Variants in RALYL observed in about 807,000 individuals in gnomAD.
The protein encoded by RALYL is RNA-binding Raly-like protein.
A neutral mutation model predicts 35.1 loss-of-function variants in RALYL; 29 were observed. That is an observed-to-expected ratio of 0.83 (90% confidence interval 0.61 to 1.13). The LOEUF is 1.13. RALYL is among the 50% of genes most tolerant of loss of function. RALYL has a pLI of 0.00. For synonymous variants in RALYL, 120 were observed against 127.6 expected (o/e 0.94, Z 0.40); for missense variants, 359 against 360.4 (o/e 1.00, Z 0.03).
At position 84,656,692 on chromosome 8, in the gene RALYL, G is replaced by A. The variant is rs776795121; in HGVS notation, c.257-117887G>A. ...CATACCAAGTTACCCAAAATTGAGT[G>A]TAGATTTCTTGATAATTAGAGTAAT... On this transcript the variant is annotated intron_variant, in intron 2 of 8. Transcript: ENST00000521268. 1.0e-3 allele frequency among the ~76,000 whole-genome samples: 157 copies of A among 152,050 alleles called. 3 individuals are homozygous for A. Among genetic ancestry groups the A allele is most frequent in the Non-Finnish European group, 2.5e-4 (17 of 68,006 alleles).
At chr8:84,769,082 C>T (rs1814796162) in intron 2 of RALYL, among the ~76,000 whole-genome samples, 1 of 152,160 alleles carries the variant, frequency 6.6e-6, no homozygotes, top group Non-Finnish European at 1.5e-5. Flanking sequence ...GTCATTAAGT[C>T]TAAGCTAGAA....
chr8:84,563,426 T>G (rs1404211062), intron 2 of RALYL, among the ~76,000 whole-genome samples: 1 of 151,836 alleles, frequency 6.6e-6, no homozygotes, highest in Non-Finnish European at 1.5e-5. Context: ...ACTATTACAT[T>G]GGCACTCACA....
At chr8:84,251,997 T>G (rs1830288582) in intron 1 of RALYL, among the ~76,000 whole-genome samples, 1 of 152,078 alleles carries the variant, frequency 6.6e-6, no homozygotes, top group African/African-American at 2.4e-5. Context: ...AATGAGGATA[T>G]TATATCAACT....
intron 2 of RALYL, among the ~76,000 whole-genome samples, chr8:84,612,180 T>C (rs573944125): frequency 2.6e-5 from 4 of 152,030 alleles, no homozygotes; most frequent in Non-Finnish European, 5.9e-5. Context: ...AGTAGTGAGA[T>C]TTATTTATTA....
intron 1 of RALYL, among the ~76,000 whole-genome samples, chr8:84,315,390 T>C (rs1004483113): frequency 1.3e-5 from 2 of 152,188 alleles, no homozygotes; most frequent in African/African-American, 2.4e-5. Flanking sequence ...TTAAAACTAT[T>C]TGTATATAAA....
intron 1 of RALYL, among the ~76,000 whole-genome samples, chr8:84,370,851 T>A (rs1455988398): frequency 6.6e-6 from 1 of 152,022 alleles, no homozygotes; most frequent in Admixed American, 6.6e-5. Flanking sequence ...TATATATAGC[T>A]GCCTTAGATT....
intron 2 of RALYL, among the ~76,000 whole-genome samples, chr8:84,614,205 G>A (rs1237010526): frequency 6.6e-6 from 1 of 151,458 alleles, no homozygotes; most frequent in Non-Finnish European, 1.5e-5. Context: ...CTTAGCTGTT[G>A]CTGTTGTTAT....
intron 8 of RALYL, among the ~76,000 whole-genome samples, chr8:84,889,220 G>GC (rs1401306656): frequency 6.6e-6 from 1 of 152,120 alleles, no homozygotes; most frequent in African/African-American, 2.4e-5. Flanking sequence ...TTCTCCTTAG[G>GC]CAGGACTACA....
chr8:84,348,567 A>G (rs1052418951), intron 1 of RALYL, among the ~76,000 whole-genome samples: 3 of 152,100 alleles, frequency 2.0e-5, no homozygotes, highest in Non-Finnish European at 4.4e-5. Flanking sequence ...TGATCAAATC[A>G]TTGCACAATG....
chr8:84,576,472 C>T (rs1268958952), intron 2 of RALYL, among the ~76,000 whole-genome samples: 2 of 152,140 alleles, frequency 1.3e-5, no homozygotes, highest in African/African-American at 2.4e-5. Context: ...ATGGCAGATG[C>T]ATTTGTTTTA....
Position 84,353,861 on chromosome 8 carries a change from T to G in RALYL, c.-24+169437T>G, listed in dbSNP as rs534892194. Among the ~76,000 whole-genome samples the G allele has an allele frequency of 2.1e-4, 32 of 150,134 alleles. 4 individuals are homozygous for G. Among genetic ancestry groups the G allele is most frequent in the African/African-American group, 6.2e-4 (25 of 40,380 alleles). Reference sequence around the variant, plus strand: ...TTATTTGATAGTGTCATAAATGTCTTTGTTCCTCTTTGAAAGCCATTATAT... The same window carrying G: ...TTATTTGATAGTGTCATAAATGTCTGTGTTCCTCTTTGAAAGCCATTATAT... On this transcript the variant is annotated intron_variant, in intron 1 of 8. Transcript: ENST00000521268.
At chr8:84,373,318 C>A (rs1856282672) in intron 1 of RALYL, among the ~76,000 whole-genome samples, 2 of 151,814 alleles carry the variant, frequency 1.3e-5, no homozygotes, top group Non-Finnish European at 2.9e-5. Context: ...AATGGTGTTA[C>A]CTAGGTCATC....
At chr8:84,837,081 C>G (rs1441510276) in intron 4 of RALYL, among the ~76,000 whole-genome samples, 1 of 152,136 alleles carries the variant, frequency 6.6e-6, no homozygotes, top group African/African-American at 2.4e-5. Flanking sequence ...CGTGTTTGAT[C>G]CCTGTGTCTC....
intron 1 of RALYL, among the ~76,000 whole-genome samples, chr8:84,524,718 A>G (rs1360082836): frequency 6.6e-6 from 1 of 152,176 alleles, no homozygotes; most frequent in Non-Finnish European, 1.5e-5. Context: ...AGAAATTAAA[A>G]GGCTTTATTT....
At chr8:84,864,402 T>C (rs1838740852) in intron 6 of RALYL, among the ~76,000 whole-genome samples, 1 of 152,198 alleles carries the variant, frequency 6.6e-6, no homozygotes, top group Admixed American at 6.5e-5. Context: ...GGTAGAAATA[T>C]AAATTATGGG....
At chr8:84,590,717 T>C (rs976480347) in intron 2 of RALYL, among the ~76,000 whole-genome samples, 4 of 152,198 alleles carry the variant, frequency 2.6e-5, no homozygotes, top group Non-Finnish European at 5.9e-5. Flanking sequence ...TGAGTTTTCT[T>C]CCTGGTGTCC....
At chr8:84,708,623 A>G (rs755151934) in intron 2 of RALYL, among the ~76,000 whole-genome samples, 1 of 152,128 alleles carries the variant, frequency 6.6e-6, no homozygotes, top group Non-Finnish European at 1.5e-5. Context: ...TTTGGGAATT[A>G]ATGTTTAACT....
In RALYL at chr8:84,534,878, C is replaced by T. The variant is rs187824539; in HGVS notation, c.256+5301C>T. Among the ~76,000 whole-genome samples, 15 of 152,238 alleles carry T rather than the reference C, an allele frequency of 9.9e-5. No individual in the cohort carries two copies. In the East Asian group the frequency reaches 2.1e-3, roughly 22 times the overall value. On this transcript the variant is annotated intron_variant, in intron 2 of 8. Coordinates refer to ENST00000521268, the MANE Select transcript of RALYL (RefSeq NM_173848.7). ...ACAGACATTCCAAAGGTAACTGTTT[C>T]GTAGGCCTGATTTCAGTTTTTTATA...
intron 1 of RALYL, among the ~76,000 whole-genome samples, chr8:84,343,239 A>G (rs533553270): frequency 6.6e-6 from 1 of 152,116 alleles, no homozygotes; most frequent in Admixed American, 6.5e-5. Context: ...GTGGTATGAA[A>G]TATTAGTTAT....
Sources: allele counts gnomAD v4.1 joint callset (sites outside exome capture counted in the v4.1 genomes callset), GRCh38; gene constraint gnomAD v4.1.1; transcripts MANE v1.5; gene names NCBI Gene and HGNC (gene_info 2026-07-23, HGNC 2026-07-21).